USP28: variants seen among roughly 807,000 people sequenced by gnomAD.
USP28 encodes ubiquitin specific peptidase 28.
In USP28, 113 loss-of-function variants were observed where a neutral mutation model predicts 145.0. The ratio of observed to expected loss-of-function variants is 0.78; its 90% CI spans 0.67 to 0.91. The LOEUF (loss-of-function observed/expected upper bound fraction) is 0.91. Ranked by LOEUF, USP28 falls within the 40% of genes least tolerant of loss-of-function variation. USP28 has a pLI of 0.00. For missense variants in USP28, 1,201 were observed against 1,289.6 expected, an observed-to-expected ratio of 0.93 and a Z score of 1.05; for synonymous variants, 447 against 450.9, an observed-to-expected ratio of 0.99 and a Z score of 0.11.
At chr11:113,802,947 T>C (rs548371825) in intron 23 of USP28, among the ~76,000 whole-genome samples, 5 of 152,326 alleles carry the variant, frequency 3.3e-5, no homozygotes, top group Admixed American at 3.3e-4. Context: ...ATTCTCATCT[T>C]AACTTCTATC....
chr11:113,810,991 C>T (rs868497649), intron 16 of USP28, among the ~76,000 whole-genome samples: 1 of 152,128 alleles, frequency 6.6e-6, no homozygotes, highest in Admixed American at 6.6e-5. Context: ...TCCTTACTTA[C>T]GCCACACAGT....
intron 3 of USP28, among the ~76,000 whole-genome samples, chr11:113,848,523 G>A (rs1171848931): frequency 2.0e-5 from 3 of 152,180 alleles, no homozygotes; most frequent in African/African-American, 7.2e-5. Flanking sequence ...TCGTGACACA[G>A]AAGCACAATG....
Position 113,830,945 on chromosome 11 carries a change from T to C in USP28, c.834-2A>G. On this transcript the variant is annotated splice_acceptor_variant, in intron 8 of 24. Transcript: ENST00000003302. LOFTEE classifies it high-confidence loss of function. Reference sequence around the variant, plus strand: ...TTTTCAGATTTGTTCCTGGGACTGCTGCTTTTAGGAAAAGGAGACAATTCT... The same window carrying C: ...TTTTCAGATTTGTTCCTGGGACTGCCGCTTTTAGGAAAAGGAGACAATTCT... The C allele has an allele frequency of 6.2e-7, 1 of 1,613,982 alleles. No individual in the cohort carries two copies. Among genetic ancestry groups the C allele is most frequent in the South Asian group, 1.1e-5 (1 of 91,070 alleles).
At chr11:113,875,129 G>C (rs1272919635) in intron 1 of USP28, among the ~76,000 whole-genome samples, 1 of 152,176 alleles carries the variant, frequency 6.6e-6, no homozygotes, top group African/African-American at 2.4e-5. Flanking sequence ...ACCCCGGACG[G>C]GGCCCAGGAG....
chr11:113,811,818 T>A (rs59398837), intron 16 of USP28, among the ~76,000 whole-genome samples: 2,499 of 152,286 alleles, frequency 0.016, 68 homozygotes, highest in African/African-American at 0.057. Flanking sequence ...AGAATTAGTC[T>A]ATCTACGAGT....
chr11:113,851,784 C>CAA (rs796520144), intron 3 of USP28, among the ~76,000 whole-genome samples: 16 of 92,990 alleles, frequency 1.7e-4, no homozygotes, highest in African/African-American at 3.3e-4. Context: ...GACTCCATCT[C>CAA]AAAAAAAAAA....
chr11:113,870,057 G>C (rs924291384), intron 1 of USP28, among the ~76,000 whole-genome samples: 19 of 152,310 alleles, frequency 1.2e-4, no homozygotes, highest in African/African-American at 4.3e-4. Context: ...AGCCACTCGG[G>C]AGGCTGAGGC....
At chr11:113,814,017 T>C in intron 14 of USP28, 62 bp from the exon 15 acceptor site, 3 of 1,256,566 alleles carry the variant, frequency 2.4e-6, no homozygotes, top group Non-Finnish European at 3.4e-6. Flanking sequence ...TCACACAGGC[T>C]ACTTTAACTA....
chr11:113,827,181 A>T (rs1399048857), intron 11 of USP28, 52 bp downstream of exon 11: 1 of 1,572,852 alleles, frequency 6.4e-7, no homozygotes, highest in Non-Finnish European at 8.6e-7. Flanking sequence ...GTACGTGCTC[A>T]TCTCTACTGC....
intron 2 of USP28, among the ~76,000 whole-genome samples, 176 bp downstream of exon 2, chr11:113,854,082 T>G (rs1283088742): frequency 3.9e-5 from 6 of 152,114 alleles, no homozygotes; most frequent in Admixed American, 1.3e-4. Context: ...GAACCACAAA[T>G]CTCCCCCAGC....
chr11:113,864,258 A>G (rs968498505), intron 1 of USP28, among the ~76,000 whole-genome samples: 23 of 152,220 alleles, frequency 1.5e-4, no homozygotes, highest in African/African-American at 4.6e-4. Flanking sequence ...AGGTAAAAAA[A>G]CTGATGAAAG....
At chr11:113,832,245 G>GATT (rs1944083389) in intron 7 of USP28, among the ~76,000 whole-genome samples, 1 of 152,148 alleles carries the variant, frequency 6.6e-6, no homozygotes. Context: ...AAGTAGCTGG[G>GATT]ATTACAGGCA....
rs1479275050 is a variant in USP28 at position 113,815,160 on chromosome 11, T to A, written c.1672+14A>T. On this transcript the variant is annotated intron_variant, in intron 14 of 24. Coordinates refer to ENST00000003302, the Ensembl canonical transcript of USP28. ...AAAAGCAAAGAGTAACTGACAAATT[T>A]TAAAAGAGCCAACCTTGTATATCTT... is the stretch of plus-strand genomic sequence containing the variant. 3.7e-6 allele frequency: 6 copies of A among 1,608,574 alleles called. No homozygotes were observed. The highest frequency in any genetic ancestry group is 2.2e-5 in the East Asian group (1 of 44,842).
exon 9 of USP28, chr11:113,830,919 A>G: frequency 6.2e-7 from 1 of 1,614,022 alleles, no homozygotes. Flanking sequence ...GCACCATTGG[A>G]TTTTCAGATT....
Position 113,807,932 on chromosome 11 carries a change from C to G in USP28, c.2304+366G>C. ...TAAGACTGACAACAAACAACTATAT[C>G]CTGCACTCATCTCTGTACCTCCTCA... On this transcript the variant is annotated intron_variant, in intron 18 of 24. Coordinates refer to ENST00000003302, the Ensembl canonical transcript of USP28. The G allele has an allele frequency of 9.4e-7, 1 of 1,068,382 alleles. No homozygotes were observed. Among genetic ancestry groups the G allele is most frequent in the Admixed American group, 4.6e-5 (1 of 21,712 alleles). The allele number at this position is 1,068,382 out of a possible 1,614,324, so 66.2% of individuals were successfully genotyped here. A position where few individuals can be genotyped will look rare whatever the true frequency, so the allele number is the denominator to read the frequency against.
intron 1 of USP28, among the ~76,000 whole-genome samples, chr11:113,861,861 A>G (rs955477612): frequency 1.3e-5 from 2 of 152,232 alleles, no homozygotes; most frequent in East Asian, 3.8e-4. Flanking sequence ...AAACATATCG[A>G]ACACATCTCC....
exon 4 of USP28, chr11:113,841,683 A>G: frequency 6.2e-7 from 1 of 1,612,420 alleles, no homozygotes; most frequent in Non-Finnish European, 8.5e-7. Context: ...CTCTTCCATC[A>G]GCTTGAATTT....
At chr11:113,850,990 T>C (rs1395411524) in intron 3 of USP28, among the ~76,000 whole-genome samples, 1 of 152,222 alleles carries the variant, frequency 6.6e-6, no homozygotes, top group East Asian at 1.9e-4. Context: ...CTACAGTGAT[T>C]CCCATCTTGG....
Position 113,854,119 on chromosome 11 carries a change from T to A in USP28, c.135+139A>T, listed in dbSNP as rs142558339. 1.4e-5 allele frequency: 10 copies of A among 717,034 alleles called. No individual in the cohort carries two copies. The East Asian group carries it at 2.1e-4, about 15-fold the overall frequency. 44.4% of individuals were successfully genotyped at this position (717,034 alleles called of 1,614,324 possible). On this transcript the variant is annotated intron_variant, in intron 2 of 24. Coordinates refer to ENST00000003302, the Ensembl canonical transcript of USP28. ...CCTTATAATTTACATGTTGAAGACA[T>A]TGGGTCAGTCATTTGACCTGTAGAG...
Sources: allele counts gnomAD v4.1 joint callset (sites outside exome capture counted in the v4.1 genomes callset), GRCh38; gene constraint gnomAD v4.1.1; transcripts MANE v1.5; gene names NCBI Gene and HGNC (gene_info 2026-07-23, HGNC 2026-07-21).